Variants in LARP1 observed in about 807,000 individuals in gnomAD.
The protein encoded by LARP1 is la-related protein 1.
LARP1 carries 36 observed loss-of-function variants against 122.7 expected under a neutral mutation model. The ratio of observed to expected loss-of-function variants is 0.29; its 90% CI spans 0.22 to 0.39. The LOEUF (loss-of-function observed/expected upper bound fraction) is 0.39. Ranked by LOEUF, LARP1 falls within the 10% of genes least tolerant of loss-of-function variation. The pLI is 1.00. For synonymous variants in LARP1, 539 were observed against 528.7 expected, an observed-to-expected ratio of 1.02 and a Z score of -0.27; for missense variants, 1,040 against 1,403.6, an observed-to-expected ratio of 0.74 and a Z score of 4.14.
Position 154,755,543 on chromosome 5 carries a change from C to G in LARP1, c.-215C>G. 1 of 986,774 alleles carries G rather than the reference C, an allele frequency of 1.0e-6. No homozygotes were observed. The highest frequency in any genetic ancestry group is 1.2e-6 in the Non-Finnish European group (1 of 829,604). 61.1% of individuals were successfully genotyped at this position (986,774 alleles called of 1,614,324 possible). A position where few individuals can be genotyped will look rare whatever the true frequency, so the allele number is the denominator to read the frequency against. ...AGGCCTGGACTGCAGAGTGGGGGGC[C>G]TTCCTCCCCCCCCGCCCCGCTAGTG... On this transcript the variant is annotated 5_prime_UTR_variant, in exon 1 of 19. Coordinates refer to ENST00000518297, the MANE Select transcript of LARP1 (RefSeq NM_033551.3).
At chr5:154,757,040 C>G (rs946744298) in intron 1 of LARP1, 2 of 148,024 alleles carry the variant, frequency 1.4e-5, no homozygotes, top group Non-Finnish European at 3.0e-5. Flanking sequence ...GCCGCTCGGC[C>G]TCGGCGTTCG....
chr5:154,707,791 T>C (rs189719716), intron 1 of LARP1, among the ~76,000 whole-genome samples: 42 of 152,332 alleles, frequency 2.8e-4, no homozygotes, highest in African/African-American at 9.6e-4. Context: ...GGGTTGCTTA[T>C]GTCCAGTCTA....
intron 1 of LARP1, among the ~76,000 whole-genome samples, chr5:154,693,809 T>C (rs1322895999): frequency 6.7e-6 from 1 of 148,492 alleles, no homozygotes; most frequent in African/African-American, 2.5e-5. Context: ...TGAGCCGAGA[T>C]CGCGCCACTG....
At chr5:154,782,706 C>T (rs528464015) in intron 1 of LARP1, among the ~76,000 whole-genome samples, 9 of 152,214 alleles carry the variant, frequency 5.9e-5, no homozygotes, top group Non-Finnish European at 1.3e-4. Flanking sequence ...CTGCCCACTC[C>T]TCTCCCTAAG....
intron 7 of LARP1, among the ~76,000 whole-genome samples, 178 bp from the exon 8 acceptor site, chr5:154,794,997 G>A (rs1757632808): frequency 6.6e-6 from 1 of 152,200 alleles, no homozygotes; most frequent in Non-Finnish European, 1.5e-5. Context: ...AAGGTAGGGT[G>A]TCATGAAGGG....
At chr5:154,778,981 C>G (rs1361619789) in intron 1 of LARP1, among the ~76,000 whole-genome samples, 2 of 152,264 alleles carry the variant, frequency 1.3e-5, no homozygotes, top group Admixed American at 6.5e-5. Context: ...AACAGAGTGT[C>G]CTGAATTGCT....
intron 5 of LARP1, 22 bp downstream of exon 5, chr5:154,793,745 G>T (rs1185204480): frequency 5.0e-6 from 8 of 1,614,024 alleles, no homozygotes; most frequent in Non-Finnish European, 5.1e-6. Flanking sequence ...CCACTATGGA[G>T]GGCCTGGACT....
At chr5:154,769,526 G>A (rs927420678) in intron 1 of LARP1, among the ~76,000 whole-genome samples, 4 of 152,206 alleles carry the variant, frequency 2.6e-5, no homozygotes, top group Non-Finnish European at 4.4e-5. Context: ...AGGTGAGGTA[G>A]GGGGAGTGAG....
intron 16 of LARP1, among the ~76,000 whole-genome samples, chr5:154,810,282 A>G (rs932629874): frequency 6.6e-6 from 1 of 151,326 alleles, no homozygotes. Flanking sequence ...CTAAAAATAC[A>G]CAAATTAGCT....
chr5:154,794,491 A>C (rs1757591670), intron 7 of LARP1, among the ~76,000 whole-genome samples: 1 of 152,248 alleles, frequency 6.6e-6, no homozygotes, highest in South Asian at 2.1e-4. Context: ...ACCATTACAA[A>C]AAGGAAGGAA....
intron 14 of LARP1, among the ~76,000 whole-genome samples, chr5:154,805,482 C>G (rs889741648): frequency 1.3e-5 from 2 of 152,080 alleles, no homozygotes; most frequent in Admixed American, 1.3e-4. Flanking sequence ...AGTGGACCCA[C>G]GCGTGGATCC....
chr5:154,758,937 C>T (rs1223004699), intron 1 of LARP1, among the ~76,000 whole-genome samples: 1 of 152,106 alleles, frequency 6.6e-6, no homozygotes, highest in Non-Finnish European at 1.5e-5. Context: ...TTTTTTAGAT[C>T]TCCCTCCCTC....
Position 154,702,320 on chromosome 5 carries a change from C to G in LARP1, c.-180+19283C>G, listed in dbSNP as rs1390767298. ...CCTGTAATCCCAGTGCTTTGGGAGG[C>G]CAAGGTGGGCGAATCACCTGAGGTC... On this transcript the variant is annotated intron_variant, in intron 1 of 18. Transcript: ENST00000687700. Among the ~76,000 whole-genome samples, 3 of 152,202 alleles carry G rather than the reference C, an allele frequency of 2.0e-5. No individual in the cohort carries two copies. In the East Asian group the frequency reaches 5.8e-4, roughly 29 times the overall value.
chr5:154,687,323 T>G (rs1016110588), intron 1 of LARP1, among the ~76,000 whole-genome samples: 14 of 152,238 alleles, frequency 9.2e-5, no homozygotes, highest in African/African-American at 3.4e-4. Flanking sequence ...TGTAACATGT[T>G]AACATGTTGG....
chr5:154,804,365 C>A, intron 14 of LARP1, 58 bp downstream of exon 14: 1 of 1,266,932 alleles, frequency 7.9e-7, no homozygotes, highest in Non-Finnish European at 1.2e-6. Flanking sequence ...GTGGGCGAGC[C>A]ATGAAATTGA....
In LARP1 at chr5:154,808,453, C is replaced by T; in HGVS notation, c.2699-6C>T. ...GACATGCCTTTCCTCCTTTCTTTCCCATCAGAGCGGAAACGCTTGGGCATT... is the reference window on the plus strand; with the variant it reads ...GACATGCCTTTCCTCCTTTCTTTCCTATCAGAGCGGAAACGCTTGGGCATT... On this transcript the variant is annotated splice_region_variant and splice_polypyrimidine_tract_variant and intron_variant, in intron 15 of 18. Coordinates refer to ENST00000518297, the MANE Select transcript of LARP1 (RefSeq NM_033551.3). 1 of 1,608,986 alleles carries T rather than the reference C, an allele frequency of 6.2e-7. No individual in the cohort carries two copies. Among genetic ancestry groups the T allele is most frequent in the Non-Finnish European group, 8.5e-7 (1 of 1,178,014 alleles).
At chr5:154,760,057 A>G (rs1754326265) in intron 1 of LARP1, among the ~76,000 whole-genome samples, 1 of 152,076 alleles carries the variant, frequency 6.6e-6, no homozygotes, top group African/African-American at 2.4e-5. Context: ...CTCCTGCCTC[A>G]GCCTTGAGAG....
intron 1 of LARP1, among the ~76,000 whole-genome samples, chr5:154,761,216 A>G (rs975425892): frequency 1.4e-4 from 21 of 152,228 alleles, no homozygotes; most frequent in Non-Finnish European, 2.4e-4. Context: ...CCTTTTGCAC[A>G]GGTAGTTTGA....
At chr5:154,797,221 GTTTTTTTT>G (rs1158010359) in intron 8 of LARP1, among the ~76,000 whole-genome samples, 28 of 29,778 alleles carry the variant, frequency 9.4e-4, no homozygotes, top group South Asian at 3.4e-3. Flanking sequence ...TGTTGTTGTT[GTTTTTTTT>G]TTTTTTTTTT....
Sources: allele counts gnomAD v4.1 joint callset (sites outside exome capture counted in the v4.1 genomes callset), GRCh38; gene constraint gnomAD v4.1.1; transcripts MANE v1.5; gene names NCBI Gene and HGNC (gene_info 2026-07-23, HGNC 2026-07-21).